The following OSBPL5 variants were observed in gnomAD, a reference collection of about 807,000 sequenced individuals.
OSBPL5 encodes oxysterol-binding protein-related protein 5.
In OSBPL5, 71 loss-of-function variants were observed where a neutral mutation model predicts 111.2. That is an observed-to-expected ratio of 0.64 (90% CI 0.53 to 0.78). The LOEUF (loss-of-function observed/expected upper bound fraction) is 0.78, where lower values mean the gene tolerates loss of function less well. Ranked by LOEUF, OSBPL5 falls within the 30% of genes least tolerant of loss-of-function variation. The pLI is 0.00. For missense variants in OSBPL5, 1,210 were observed against 1,189.3 expected (o/e 1.02, Z -0.26); for synonymous variants, 549 against 513.9 (o/e 1.07, Z -0.93).
intron 1 of OSBPL5, among the ~76,000 whole-genome samples, chr11:3,143,135 G>A (rs112732788): frequency 1.2e-5 from 1 of 86,766 alleles, no homozygotes; most frequent in Admixed American, 1.2e-4. Flanking sequence ...AGGTGCAGAG[G>A]GGGGCAGAGG....
At chr11:3,115,656 G>A (rs768019578) in intron 7 of OSBPL5, among the ~76,000 whole-genome samples, 3 of 152,174 alleles carry the variant, frequency 2.0e-5, no homozygotes, top group Non-Finnish European at 4.4e-5. Flanking sequence ...TGCAAGACTA[G>A]CATATGGGCC....
chr11:3,092,909 T>A lies in OSBPL5; in HGVS notation c.2090A>T (p.His697Leu), dbSNP rs773427798. 6.4e-7 allele frequency: 1 copy of A among 1,564,018 alleles called. No individual in the cohort carries two copies. Among genetic ancestry groups the A allele is most frequent in the East Asian group, 2.3e-5 (1 of 42,700 alleles). Residue 697 changes from histidine (H) to leucine (L), a missense_variant, in exon 18 of 22, where the codon CAC becomes CTC. By Grantham distance (99) the His-to-Leu change is moderately conservative (BLOSUM62 -3). Coordinates refer to ENST00000263650, the MANE Select transcript of OSBPL5 (RefSeq NM_020896.4). This position sits in a 1 kb window ranked among gnomAD's most constrained non-coding sequence, Gnocchi z 5.4. ...SLMPWKPQLF[H>L]LDPITQEWHY... Reference sequence around the variant, plus strand: ...CCACTCCTGGGTGATGGGGTCCAGGTGGAACAGCTGCGGCTTCCAGGGCAT... The same window carrying A: ...CCACTCCTGGGTGATGGGGTCCAGGAGGAACAGCTGCGGCTTCCAGGGCAT...
In OSBPL5 at chr11:3,126,605, G is replaced by T. The variant is rs761920764; in HGVS notation, c.137-50C>A. 61 of 1,511,330 alleles carry T rather than the reference G, an allele frequency of 4.0e-5. No individual in the cohort carries two copies. In the Middle Eastern group the frequency reaches 1.4e-3, roughly 34 times the overall value. 93.6% of individuals were successfully genotyped at this position (1,511,330 alleles called of 1,614,324 possible). A position where few individuals can be genotyped will look rare whatever the true frequency, so the allele number is the denominator to read the frequency against. On this transcript the variant is annotated intron_variant, in intron 2 of 21. Coordinates refer to ENST00000263650, the MANE Select transcript of OSBPL5 (RefSeq NM_020896.4). This position sits in a 1 kb window ranked among gnomAD's most constrained non-coding sequence, Gnocchi z 6.5. Reference sequence around the variant, plus strand: ...GACCCAGGCATGGTGGCGTGGCCAGGCTTCTCAGGCCGCTGCCTGGTGTGA... The same window carrying T: ...GACCCAGGCATGGTGGCGTGGCCAGTCTTCTCAGGCCGCTGCCTGGTGTGA...
chr11:3,127,455 C>A (rs1222253864), intron 2 of OSBPL5, among the ~76,000 whole-genome samples: 1 of 152,206 alleles, frequency 6.6e-6, no homozygotes, highest in Non-Finnish European at 1.5e-5. Context: ...AACGGAAAAG[C>A]CAGGACGGTG....
At chr11:3,094,128 T>G (rs1857162787) in intron 15 of OSBPL5, 109 bp downstream of exon 15, 2 of 1,069,056 alleles carry the variant, frequency 1.9e-6, no homozygotes, top group Non-Finnish European at 2.7e-6. Context: ...TCCCCTTATG[T>G]GCACTGCCTT....
intron 19 of OSBPL5, 44 bp from the exon 20 acceptor site, chr11:3,090,740 C>A: frequency 6.4e-7 from 1 of 1,566,720 alleles, no homozygotes; most frequent in East Asian, 2.3e-5. Context: ...CACCCACGCC[C>A]CCTGCCCAGG....
In OSBPL5 at chr11:3,130,955, C is replaced by T. The variant is rs969620505; in HGVS notation, c.-21-1786G>A. Among the ~76,000 whole-genome samples the T allele has an allele frequency of 1.3e-5, 2 of 152,164 alleles. No individual in the cohort carries two copies. Among genetic ancestry groups the T allele is most frequent in the Non-Finnish European group, 2.9e-5 (2 of 68,018 alleles). On this transcript the variant is annotated intron_variant, in intron 1 of 21. Transcript: ENST00000263650. This position sits in a 1 kb window ranked among gnomAD's most constrained non-coding sequence, Gnocchi z 4.5. ...CACCCAGGCTGGGCTGGGCACCAGG[C>T]AGCCAAGGTAAGTGAGCAGCGATCC...
At position 3,107,526 on chromosome 11, in the gene OSBPL5, C is replaced by T. The variant is rs1857747210; in HGVS notation, c.867-71G>A. 8 of 1,531,976 alleles carry T rather than the reference C, an allele frequency of 5.2e-6. No homozygotes were observed. The South Asian group carries it at 9.3e-5, about 18-fold the overall frequency. The allele number at this position is 1,531,976 out of a possible 1,614,324, so 94.9% of individuals were successfully genotyped here. ...CCAGCACAGCCCTCTGGGCTGCCCA[C>T]CCCTCGCTGCTCCGCACTTCACATA... On this transcript the variant is annotated intron_variant, in intron 8 of 21. Transcript: ENST00000263650. The surrounding 1 kb of genome is among the most constrained non-coding windows in gnomAD (Gnocchi z 6.1).
intron 1 of OSBPL5, among the ~76,000 whole-genome samples, chr11:3,143,449 C>G (rs989439509): frequency 3.3e-5 from 5 of 152,204 alleles, no homozygotes; most frequent in African/African-American, 1.2e-4. Context: ...GCGGACACAG[C>G]CAGACATCCA....
chr11:3,104,415 G>T lies in OSBPL5; in HGVS notation c.1060-38C>A. The stretch of plus-strand genomic sequence containing the variant: ...GGCTGCAGTCAGGCCCTGCCCGGAA[G>T]AGCCGGGAGGAAGGGGTGGCGGGAC... On this transcript the variant is annotated intron_variant, in intron 9 of 21. Coordinates refer to ENST00000263650, the MANE Select transcript of OSBPL5 (RefSeq NM_020896.4). The surrounding 1 kb of genome is among the most constrained non-coding windows in gnomAD (Gnocchi z 5.0). 5 of 1,592,286 alleles carry T rather than the reference G, an allele frequency of 3.1e-6. No homozygotes were observed. Among genetic ancestry groups the T allele is most frequent in the Non-Finnish European group, 4.3e-6 (5 of 1,176,234 alleles).
Position 3,104,473 on chromosome 11 carries a change from G to T in OSBPL5, c.1060-96C>A. 1 of 1,383,876 alleles carries T rather than the reference G, an allele frequency of 7.2e-7. No homozygotes were observed. Among genetic ancestry groups the T allele is most frequent in the African/African-American group, 1.5e-5 (1 of 68,898 alleles). The allele number at this position is 1,383,876 out of a possible 1,614,324, so 85.7% of individuals were successfully genotyped here. Reference sequence around the variant, plus strand: ...GCTCTGGCTGGAGGAGGCTGTACCTGCCACCCCTTAGGGTGTAAACCCCTG... The same window carrying T: ...GCTCTGGCTGGAGGAGGCTGTACCTTCCACCCCTTAGGGTGTAAACCCCTG... On this transcript the variant is annotated intron_variant, in intron 9 of 21. Transcript: ENST00000263650. This position sits in a 1 kb window ranked among gnomAD's most constrained non-coding sequence, Gnocchi z 5.0.
At chr11:3,147,579 G>A (rs566008687) in intron 1 of OSBPL5, among the ~76,000 whole-genome samples, 1 of 152,358 alleles carries the variant, frequency 6.6e-6, no homozygotes, top group South Asian at 2.1e-4. Flanking sequence ...TTGTGAACTC[G>A]AATCGAGGCG....
rs1027362630 is a variant in OSBPL5, at chr11:3,120,449, G to A, written c.578C>T (p.Pro193Leu). Residue 193 changes from proline to leucine, a missense_variant, in exon 6 of 22, where the codon CCG becomes CTG. Coordinates refer to ENST00000263650, the MANE Select transcript of OSBPL5 (RefSeq NM_020896.4). The stretch of plus-strand genomic sequence containing the variant: ...CACGGCCCAGACGGACTGATCCAGC[G>A]GGTGGAAGAGCTTGAAGCAGAAGCC... ...KDGFCFKLFH[P>L]LDQSVWAVKG... The A allele has an allele frequency of 2.4e-5, 38 of 1,613,258 alleles. No individual in the cohort carries two copies. Among genetic ancestry groups the A allele is most frequent in the Non-Finnish European group, 3.0e-5 (35 of 1,179,998 alleles).
At chr11:3,129,547 T>C (rs1257073288) in intron 1 of OSBPL5, among the ~76,000 whole-genome samples, 1 of 152,144 alleles carries the variant, frequency 6.6e-6, no homozygotes, top group African/African-American at 2.4e-5. Context: ...CCCTCCCACG[T>C]GACAGCACTT....
intron 1 of OSBPL5, among the ~76,000 whole-genome samples, chr11:3,151,130 G>A (rs554056831): frequency 5.9e-5 from 9 of 152,240 alleles, no homozygotes; most frequent in Admixed American, 1.3e-4. Context: ...GGCGGAGATC[G>A]GAGTGATGCC....
intron 1 of OSBPL5, among the ~76,000 whole-genome samples, chr11:3,163,595 T>C (rs1427589767): frequency 6.6e-6 from 1 of 152,178 alleles, no homozygotes; most frequent in Non-Finnish European, 1.5e-5. Context: ...GAACATGGCC[T>C]ATTCATGGCC....
intron 15 of OSBPL5, among the ~76,000 whole-genome samples, 158 bp from the exon 16 acceptor site, chr11:3,093,993 G>C (rs1432019809): frequency 1.3e-5 from 2 of 152,144 alleles, no homozygotes; most frequent in Admixed American, 1.3e-4. Context: ...GGACCCCCAC[G>C]CCTCCGCTCA....
chr11:3,136,828 A>G (rs1387623948), intron 1 of OSBPL5, among the ~76,000 whole-genome samples: 2 of 152,252 alleles, frequency 1.3e-5, no homozygotes, highest in Admixed American at 6.5e-5. Flanking sequence ...GGGGTGCTCC[A>G]TCAATTGGCA....
chr11:3,130,837 A>G lies in OSBPL5; in HGVS notation c.-21-1668T>C, dbSNP rs1858799967. 6.6e-6 allele frequency among the ~76,000 whole-genome samples: 1 copy of G among 152,112 alleles called. No homozygotes were observed. Among genetic ancestry groups the G allele is most frequent in the Non-Finnish European group, 1.5e-5 (1 of 68,016 alleles). ...GTCCTGCCCCTACTTGTCAATCACA[A>G]CAAACACGTCCTACTTGCCCAGGTG... On this transcript the variant is annotated intron_variant, in intron 1 of 21. Transcript: ENST00000263650. The surrounding 1 kb of genome is among the most constrained non-coding windows in gnomAD (Gnocchi z 4.5).
Sources: allele counts gnomAD v4.1 joint callset (sites outside exome capture counted in the v4.1 genomes callset), GRCh38; gene constraint gnomAD v4.1.1; non-coding constraint Gnocchi (gnomAD v3.1); transcripts MANE v1.5; gene names NCBI Gene and HGNC (gene_info 2026-07-23, HGNC 2026-07-21).